The following ALX1 variants were observed in gnomAD, a reference collection of about 807,000 sequenced individuals.
The protein encoded by ALX1 is ALX homeobox 1, also known as ALX homeobox protein 1.
In ALX1, 19 loss-of-function variants were observed where a neutral mutation model predicts 31.7. The ratio of observed to expected loss-of-function variants is 0.60; its 90% CI spans 0.42 to 0.88. The LOEUF is 0.88. Among genes scored for constraint, ALX1 ranks in the 40% least tolerant of loss-of-function variants. ALX1 has a pLI of 0.00. For synonymous variants in ALX1, 153 were observed against 148.8 expected (o/e 1.03, Z -0.20); for missense variants, 415 against 407.8 (o/e 1.02, Z -0.15).
intron 3 of ALX1, among the ~76,000 whole-genome samples, chr12:85,298,494 A>G (rs908085684): frequency 4.0e-5 from 6 of 151,790 alleles, no homozygotes; most frequent in African/African-American, 1.4e-4. Context: ...TATGAGTTGC[A>G]TCTAAATAAA....
intron 1 of ALX1, among the ~76,000 whole-genome samples, chr12:85,281,583 T>G (rs1896673995): frequency 6.6e-6 from 1 of 152,178 alleles, no homozygotes; most frequent in East Asian, 1.9e-4. Flanking sequence ...TGAACACAAG[T>G]TTTTTTCTTT....
At chr12:85,287,196 G>A (rs997394944) in intron 3 of ALX1, among the ~76,000 whole-genome samples, 2 of 151,408 alleles carry the variant, frequency 1.3e-5, no homozygotes, top group African/African-American at 4.8e-5. Context: ...ATATTTCAGG[G>A]TATTTTTTTC....
chr12:85,290,296 T>C (rs1896801985), intron 3 of ALX1, among the ~76,000 whole-genome samples: 1 of 151,166 alleles, frequency 6.6e-6, no homozygotes, highest in Non-Finnish European at 1.5e-5. Flanking sequence ...GACACTGTGC[T>C]TCCTTCTTGT....
intron 2 of ALX1, 47 bp from the exon 3 acceptor site, chr12:85,286,806 T>C: frequency 6.8e-7 from 1 of 1,479,556 alleles, no homozygotes; most frequent in Non-Finnish European, 9.2e-7. Context: ...ACATTTGCTT[T>C]ATCAAATATT....
At position 85,280,477 on chromosome 12, in the gene ALX1, G is replaced by T. The variant is rs1896654563; in HGVS notation, c.216G>T (p.Gln72His). 5.6e-6 allele frequency: 9 copies of T among 1,611,026 alleles called. No individual in the cohort carries two copies. Among genetic ancestry groups the T allele is most frequent in the Non-Finnish European group, 6.8e-6 (8 of 1,179,982 alleles). Reference sequence around the variant, plus strand: ...GCTTGGAGAGGACCTCGCCCTGTCAGGACAGCAGCGGTGAGTCGCTAGCGC... The same window carrying T: ...GCTTGGAGAGGACCTCGCCCTGTCATGACAGCAGCGGTGAGTCGCTAGCGC... ...HVRLERTSPCQDSSVNYGITK... is the reference protein window; with the variant it reads ...HVRLERTSPCHDSSVNYGITK... Residue 72 changes from glutamine (Q) to histidine (H), a missense_variant, in exon 1 of 4, where the codon CAG (glutamine) becomes CAT (histidine). Physicochemically the swap from Gln to His is conservative, Grantham distance 24 (BLOSUM62 0). This residue lies in a region of ALX1 where 235 missense variants were observed against 208.9 expected (regional missense o/e 1.13). Coordinates refer to ENST00000316824, the MANE Select transcript of ALX1 (RefSeq NM_006982.3).
chr12:85,289,830 T>C (rs952890023), intron 3 of ALX1, among the ~76,000 whole-genome samples: 1 of 151,384 alleles, frequency 6.6e-6, no homozygotes, highest in East Asian at 1.9e-4. Flanking sequence ...GCCAAGATCA[T>C]GTCTCTCAAG....
chr12:85,284,310 C>T (rs1593047876), intron 2 of ALX1, among the ~76,000 whole-genome samples: 1 of 145,752 alleles, frequency 6.9e-6, no homozygotes, highest in South Asian at 2.1e-4. Flanking sequence ...ATAGCCCATA[C>T]ATCTAGAAAT....
intron 3 of ALX1, among the ~76,000 whole-genome samples, chr12:85,295,555 A>G (rs2137390483): frequency 6.6e-6 from 1 of 151,714 alleles, no homozygotes; most frequent in Non-Finnish European, 1.5e-5. Flanking sequence ...CCAAAGAGGA[A>G]AACCAAATCA....
intron 1 of ALX1, 115 bp from the exon 2 acceptor site, chr12:85,283,457 C>A (rs1896705909): frequency 9.5e-7 from 1 of 1,047,624 alleles, no homozygotes; most frequent in East Asian, 2.5e-5. Flanking sequence ...AATACTAGCA[C>A]AATAAATTAT....
rs982135421 is a variant in ALX1 at position 85,293,431 on chromosome 12, G to C, written c.660+6450G>C. Among the ~76,000 whole-genome samples the C allele has an allele frequency of 4.0e-5, 6 of 150,134 alleles. No homozygotes were observed. The Admixed American group carries it at 4.0e-4, about 10-fold the overall frequency. On this transcript the variant is annotated intron_variant, in intron 3 of 3. Coordinates refer to ENST00000316824, the MANE Select transcript of ALX1 (RefSeq NM_006982.3). Reference sequence around the variant, plus strand: ...TAATGAAAAAAATTTTAATAAAAATGAAACATTTCATTTTTATTAAAACTT... The same window carrying C: ...TAATGAAAAAAATTTTAATAAAAATCAAACATTTCATTTTTATTAAAACTT...
chr12:85,297,090 A>C (rs1241407271), intron 3 of ALX1, among the ~76,000 whole-genome samples: 1 of 151,674 alleles, frequency 6.6e-6, no homozygotes, highest in East Asian at 1.9e-4. Flanking sequence ...CTATATGAGA[A>C]TATATTGGTG....
At chr12:85,296,075 G>T (rs1359175587) in intron 3 of ALX1, among the ~76,000 whole-genome samples, 2 of 151,174 alleles carry the variant, frequency 1.3e-5, no homozygotes, top group Admixed American at 1.3e-4. Flanking sequence ...CTTTTAAAAG[G>T]CTTTTTTAGA....
intron 1 of ALX1, 79 bp downstream of exon 1, chr12:85,280,566 G>A (rs532007095): frequency 6.8e-7 from 1 of 1,474,750 alleles, no homozygotes; most frequent in East Asian, 2.4e-5. Context: ...ATCAGGCAGG[G>A]AGGGAGAAAG....
At chr12:85,280,761 T>C (rs970578288) in intron 1 of ALX1, among the ~76,000 whole-genome samples, 6 of 152,118 alleles carry the variant, frequency 3.9e-5, no homozygotes, top group African/African-American at 1.4e-4. Flanking sequence ...TACGGATCCC[T>C]GAGTCCTTCT....
chr12:85,284,263 T>A (rs1411003506), intron 2 of ALX1, among the ~76,000 whole-genome samples: 1 of 150,634 alleles, frequency 6.6e-6, no homozygotes, highest in East Asian at 1.9e-4. Flanking sequence ...GGTTCTTTTT[T>A]AGATTATATA....
At chr12:85,299,940 G>T (rs1037415403) in intron 3 of ALX1, among the ~76,000 whole-genome samples, 1 of 151,954 alleles carries the variant, frequency 6.6e-6, no homozygotes, top group Non-Finnish European at 1.5e-5. Context: ...GAAACCTGAT[G>T]TGATTAACAT....
intron 2 of ALX1, among the ~76,000 whole-genome samples, chr12:85,285,811 A>G (rs1223280027): frequency 1.3e-5 from 2 of 151,950 alleles, no homozygotes; most frequent in African/African-American, 4.8e-5. Context: ...CTAGATTCCC[A>G]AAAGCTACTC....
At chr12:85,286,501 T>C (rs1416647650) in intron 2 of ALX1, among the ~76,000 whole-genome samples, 1 of 151,934 alleles carries the variant, frequency 6.6e-6, no homozygotes, top group Non-Finnish European at 1.5e-5. Flanking sequence ...AGCATTCTCT[T>C]AAAGGAGACT....
intron 3 of ALX1, among the ~76,000 whole-genome samples, chr12:85,288,825 T>C (rs1456114543): frequency 6.6e-6 from 1 of 151,444 alleles, no homozygotes; most frequent in East Asian, 1.9e-4. Context: ...ATTTAAATGA[T>C]ACCAAAGGAG....
Sources: gnomAD v4.1 joint callset for allele counts (sites outside exome capture counted in the v4.1 genomes callset) on GRCh38, gnomAD v4.1.1 for gene constraint, gnomAD v4.1.1 regional missense constraint, MANE v1.5 for transcripts, NCBI Gene and HGNC (gene_info 2026-07-23, HGNC 2026-07-21) for gene names.